The following PPM1B variants were observed in gnomAD, a reference collection of about 807,000 sequenced individuals.
PPM1B encodes protein phosphatase, Mg2+/Mn2+ dependent 1B.
PPM1B carries 22 observed loss-of-function variants against 43.0 expected under a neutral mutation model. The ratio of observed to expected loss-of-function variants is 0.51; its 90% confidence interval spans 0.37 to 0.73. The LOEUF (loss-of-function observed/expected upper bound fraction) is 0.73. Ranked by LOEUF, PPM1B falls within the 30% of genes least tolerant of loss-of-function variation. PPM1B has a pLI of 0.00. For missense variants in PPM1B, 632 were observed against 584.2 expected, an observed-to-expected ratio of 1.08 and a Z score of -0.84; for synonymous variants, 217 against 197.9, an observed-to-expected ratio of 1.10 and a Z score of -0.81.
rs1279981480 is a variant in PPM1B at position 44,209,458 on chromosome 2, A to G, written c.964+131A>G. 1.6e-5 allele frequency: 17 copies of G among 1,044,572 alleles called. No individual in the cohort carries two copies. In the Admixed American group the frequency reaches 4.9e-4, roughly 30 times the overall value. The allele number at this position is 1,044,572 out of a possible 1,614,324, so 64.7% of individuals were successfully genotyped here. A position where few individuals can be genotyped will look rare whatever the true frequency, so the allele number is the denominator to read the frequency against. On this transcript the variant is annotated intron_variant, in intron 3 of 5. Coordinates refer to ENST00000282412, the MANE Select transcript of PPM1B (RefSeq NM_002706.6). Reference sequence around the variant, plus strand: ...AAAAAAAAAAAATTTAGAGAGGGAAAGTATTCTTTTTGTTTATCAAATGAT... The same window carrying G: ...AAAAAAAAAAAATTTAGAGAGGGAAGGTATTCTTTTTGTTTATCAAATGAT...
At chr2:44,206,378 G>A (rs1669188992) in intron 2 of PPM1B, among the ~76,000 whole-genome samples, 1 of 152,122 alleles carries the variant, frequency 6.6e-6, no homozygotes, top group Admixed American at 6.5e-5. Context: ...GGTGTTTAGG[G>A]GAAAGCCATC....
intron 5 of PPM1B, among the ~76,000 whole-genome samples, chr2:44,223,599 GGAGATCAA>G (rs1670072072): frequency 6.6e-6 from 1 of 151,886 alleles, no homozygotes; most frequent in Admixed American, 6.6e-5. Context: ...CACGAGGTCA[GGAGATCAA>G]GACCATCCTG....
At chr2:44,179,263 CTT>C (rs1667742059) in intron 1 of PPM1B, among the ~76,000 whole-genome samples, 1 of 152,234 alleles carries the variant, frequency 6.6e-6, no homozygotes, top group Non-Finnish European at 1.5e-5. Flanking sequence ...TTAAACCTCT[CTT>C]TCTTTTGTAA....
Position 44,208,997 on chromosome 2 carries a change from T to G in PPM1B, c.847-213T>G, listed in dbSNP as rs1319953011. Among the ~76,000 whole-genome samples, 4 of 152,176 alleles carry G rather than the reference T, an allele frequency of 2.6e-5. No homozygotes were observed. In the East Asian group the frequency reaches 7.7e-4, roughly 29 times the overall value. On this transcript the variant is annotated intron_variant, in intron 2 of 5. Coordinates refer to ENST00000282412, the MANE Select transcript of PPM1B (RefSeq NM_002706.6). Reference sequence around the variant, plus strand: ...TGTGGGTAATAATAGTTCACCAGAATTAAAAATACAGAAATGCTTACAGAT... The same window carrying G: ...TGTGGGTAATAATAGTTCACCAGAAGTAAAAATACAGAAATGCTTACAGAT...
chr2:44,210,838 C>T (rs1288403602), intron 3 of PPM1B, among the ~76,000 whole-genome samples: 1 of 151,982 alleles, frequency 6.6e-6, no homozygotes, highest in Non-Finnish European at 1.5e-5. Context: ...GTAGTATATC[C>T]ATAAAAATTA....
At chr2:44,223,437 G>T (rs1365497118) in intron 5 of PPM1B, among the ~76,000 whole-genome samples, 1 of 152,064 alleles carries the variant, frequency 6.6e-6, no homozygotes, top group Non-Finnish European at 1.5e-5. Context: ...ACAGTTTTTA[G>T]AACTATGTGA....
intron 3 of PPM1B, among the ~76,000 whole-genome samples, chr2:44,216,245 G>A (rs1265996903): frequency 2.6e-5 from 4 of 152,146 alleles, no homozygotes; most frequent in East Asian, 1.9e-4. Flanking sequence ...GTAGAGGGGT[G>A]TAAAAATGTC....
chr2:44,236,402 C>CAAAAA (rs61414038), downstream of PPM1B, among the ~76,000 whole-genome samples: 243 of 47,512 alleles, frequency 5.1e-3, 25 homozygotes, highest in Non-Finnish European at 7.5e-3. Context: ...GACTCCGTCT[C>CAAAAA]AAAAAAAAAA....
chr2:44,195,650 A>G (rs1168240240), intron 1 of PPM1B, among the ~76,000 whole-genome samples: 1 of 152,194 alleles, frequency 6.6e-6, no homozygotes, highest in African/African-American at 2.4e-5. Flanking sequence ...GCACTCCAAC[A>G]TGGGTGACAG....
intron 1 of PPM1B, among the ~76,000 whole-genome samples, chr2:44,178,404 A>G (rs1303273448): frequency 2.7e-5 from 4 of 149,720 alleles, no homozygotes; most frequent in South Asian, 2.1e-4. Context: ...ATTCTCTCCA[A>G]TGTTGCTATA....
At chr2:44,245,573 C>G (rs1670839878), downstream of PPM1B, among the ~76,000 whole-genome samples, 1 of 152,210 alleles carries the variant, frequency 6.6e-6, no homozygotes, top group Non-Finnish European at 1.5e-5. Context: ...TCTTCCTGTT[C>G]TGTACAATGA....
At chr2:44,193,569 T>A (rs1044877539) in intron 1 of PPM1B, among the ~76,000 whole-genome samples, 110 of 146,904 alleles carry the variant, frequency 7.5e-4, no homozygotes, top group East Asian at 3.7e-3. Flanking sequence ...AATTAAAATT[T>A]TTTTTCTTTT....
downstream of PPM1B, among the ~76,000 whole-genome samples, chr2:44,238,375 G>A (rs113776744): frequency 2.6e-3 from 389 of 152,112 alleles, no homozygotes; most frequent in African/African-American, 7.6e-3. Flanking sequence ...AATTGGTATA[G>A]CACTTTGGTT....
intron 3 of PPM1B, among the ~76,000 whole-genome samples, chr2:44,211,789 G>T (rs1280068200): frequency 1.6e-5 from 2 of 123,494 alleles, no homozygotes; most frequent in African/African-American, 6.2e-5. Flanking sequence ...CGCTGTTGTT[G>T]CCCAGGCTGG....
chr2:44,226,932 T>TTTTATTTATTTATTTATTTA (rs566508514), intron 5 of PPM1B, among the ~76,000 whole-genome samples: 8 of 135,028 alleles, frequency 5.9e-5, no homozygotes, highest in South Asian at 5.2e-4. Context: ...ATGGGAAACT[T>TTTTATTTATTTATTTATTTA]TTTATTTATT....
At chr2:44,189,652 A>G (rs905355927) in intron 1 of PPM1B, among the ~76,000 whole-genome samples, 27 of 151,978 alleles carry the variant, frequency 1.8e-4, no homozygotes, top group African/African-American at 5.3e-4. Flanking sequence ...TTTAGTAGAG[A>G]TGGGGTTTCG....
chr2:44,204,605 G>A (rs1669080096), intron 2 of PPM1B, among the ~76,000 whole-genome samples: 1 of 152,026 alleles, frequency 6.6e-6, no homozygotes, highest in Admixed American at 6.6e-5. Context: ...TTTAACTCAT[G>A]TAATTTTCAC....
chr2:44,221,209 G>C (rs1669964585), intron 5 of PPM1B, among the ~76,000 whole-genome samples: 2 of 152,180 alleles, frequency 1.3e-5, no homozygotes, highest in South Asian at 4.1e-4. Context: ...ACATAGATAT[G>C]TGGATTAAAG....
chr2:44,211,258 T>C (rs1669453567), intron 3 of PPM1B, among the ~76,000 whole-genome samples: 1 of 152,240 alleles, frequency 6.6e-6, no homozygotes, highest in Non-Finnish European at 1.5e-5. Context: ...GTCTAGAGCA[T>C]GTGTGCTGCA....
Sources: gnomAD v4.1 joint callset for allele counts (sites outside exome capture counted in the v4.1 genomes callset) on GRCh38, gnomAD v4.1.1 for gene constraint, MANE v1.5 for transcripts, NCBI Gene and HGNC (gene_info 2026-07-23, HGNC 2026-07-21) for gene names.